PCDHGB2: variants seen among roughly 807,000 people sequenced by gnomAD.
PCDHGB2 encodes protocadherin gamma-B2.
PCDHGB2 carries 55 observed loss-of-function variants against 59.3 expected under a neutral mutation model. That is an observed-to-expected ratio of 0.93 (90% confidence interval 0.75 to 1.16). PCDHGB2 has a LOEUF of 1.16. PCDHGB2 is among the 50% of genes most tolerant of loss of function. The pLI is 0.00. For synonymous variants in PCDHGB2, 516 were observed against 512.0 expected (o/e 1.01, Z -0.11); for missense variants, 1,228 against 1,198.5 (o/e 1.02, Z -0.36).
intron 1 of PCDHGB2, chr5:141,418,650 T>A (rs764145825): frequency 5.0e-6 from 8 of 1,613,898 alleles, no homozygotes; most frequent in South Asian, 2.2e-5. Flanking sequence ...ATCCTGAGAG[T>A]GAAGGCCACT....
At chr5:141,456,352 C>T (rs1253586137) in intron 1 of PCDHGB2, among the ~76,000 whole-genome samples, 1 of 152,050 alleles carries the variant, frequency 6.6e-6, no homozygotes, top group Non-Finnish European at 1.5e-5. Flanking sequence ...GGAAGAATGG[C>T]GTCCATGTGT....
chr5:141,375,100 T>A lies in PCDHGB2; in HGVS notation c.2421+12544T>A, dbSNP rs921904476. 5 of 1,613,834 alleles carry A rather than the reference T, an allele frequency of 3.1e-6. No individual in the cohort carries two copies. The African/African-American group carries it at 6.7e-5, about 22-fold the overall frequency. On this transcript the variant is annotated intron_variant, in intron 1 of 3. Transcript: ENST00000522605. The stretch of plus-strand genomic sequence containing the variant: ...CGAAAGTCTTAATAACTATCTTGGA[T>A]GTCAATGATAATGTACCAGAAGTGG...
intron 1 of PCDHGB2, chr5:141,371,423 T>C: frequency 6.2e-7 from 1 of 1,613,962 alleles, no homozygotes; most frequent in Non-Finnish European, 8.5e-7. Flanking sequence ...AAAATGACAA[T>C]GCCCCGGAGA....
At chr5:141,414,020 C>A in intron 1 of PCDHGB2, 1 of 1,612,618 alleles carries the variant, frequency 6.2e-7, no homozygotes. Flanking sequence ...GGAGAAGTGA[C>A]ATATTCATTC....
chr5:141,426,307 A>G (rs958090236), intron 1 of PCDHGB2: 2 of 172,782 alleles, frequency 1.2e-5, no homozygotes, highest in African/African-American at 4.7e-5. Context: ...GGTGAAGCAG[A>G]GAAGCAGGAC....
intron 1 of PCDHGB2, chr5:141,374,770 G>A (rs750704696): frequency 6.8e-6 from 11 of 1,613,696 alleles, no homozygotes; most frequent in South Asian, 1.1e-5. Context: ...CCCAAATTCT[G>A]GTAACAGTTC....
rs1561863583 is a variant in PCDHGB2, at chr5:141,432,685, C to A, written c.2422-62122C>A. Reference sequence around the variant, plus strand: ...ACAGAGACGCGCTCAAGCAGAGCCTCGTAGTGGCCGTCCAGGACCACGGCC... The same window carrying A: ...ACAGAGACGCGCTCAAGCAGAGCCTAGTAGTGGCCGTCCAGGACCACGGCC... On this transcript the variant is annotated intron_variant, in intron 1 of 3. Transcript: ENST00000522605. The surrounding 1 kb of genome is among the most constrained non-coding windows in gnomAD (Gnocchi z 6.0). 3.7e-6 allele frequency: 6 copies of A among 1,613,932 alleles called. No individual in the cohort carries two copies. Among genetic ancestry groups the A allele is most frequent in the Non-Finnish European group, 5.1e-6 (6 of 1,179,966 alleles).
In PCDHGB2 at chr5:141,451,946, G is replaced by A. The variant is rs146934262; in HGVS notation, c.2422-42861G>A. On this transcript the variant is annotated intron_variant, in intron 1 of 3. Coordinates refer to ENST00000522605, the MANE Select transcript of PCDHGB2 (RefSeq NM_018923.3). ...GGAGGTAGGGAGGCAGGGAAAGACC[G>A]AGAAAGTGACATACCATCATTTTTG... Among the ~76,000 whole-genome samples, 240 of 152,218 alleles carry A rather than the reference G, an allele frequency of 1.6e-3. 1 individual carries two copies. Among genetic ancestry groups the A allele is most frequent in the Non-Finnish European group, 2.9e-3 (195 of 68,026 alleles).
chr5:141,430,796 C>A, intron 1 of PCDHGB2: 1 of 1,522,232 alleles, frequency 6.6e-7, no homozygotes, highest in Middle Eastern at 1.8e-4. Context: ...CTACAAAGGG[C>A]TTGTCCTGCT....
At chr5:141,463,460 T>TTC (rs573961569) in intron 1 of PCDHGB2, among the ~76,000 whole-genome samples, 28 of 136,126 alleles carry the variant, frequency 2.1e-4, no homozygotes, top group Admixed American at 4.4e-4. Context: ...TTTTTTTTTT[T>TTC]TTTTTTGAGA....
At chr5:141,390,565 G>A in intron 1 of PCDHGB2, 2 of 420,818 alleles carry the variant, frequency 4.8e-6, no homozygotes, top group Non-Finnish European at 8.5e-6. Context: ...ACAGTTGTTG[G>A]CTCTCTCCTA....
intron 1 of PCDHGB2, chr5:141,394,099 C>T: frequency 1.2e-6 from 2 of 1,613,930 alleles, no homozygotes; most frequent in South Asian, 1.1e-5. Context: ...GATCTAGGAA[C>T]ACCACCTCTG....
At position 141,476,719 on chromosome 5, in the gene PCDHGB2, C is replaced by T; in HGVS notation, c.2422-18088C>T. ...ACGCGGAGCTGGTGTTGGAGCGCGC[C>T]CTGGACCGAGAACGGGAGCCTAGTC... On this transcript the variant is annotated intron_variant, in intron 1 of 3. Coordinates refer to ENST00000522605, the MANE Select transcript of PCDHGB2 (RefSeq NM_018923.3). The surrounding 1 kb of genome is among the most constrained non-coding windows in gnomAD (Gnocchi z 7.6). The T allele has an allele frequency of 6.2e-7, 1 of 1,614,154 alleles. No homozygotes were observed.
At position 141,362,257 on chromosome 5, in the gene PCDHGB2, A is replaced by C. The variant is rs1199610495; in HGVS notation, c.2122A>C (p.Ile708Leu). ...CTCAGTGCTCTTCTTCCTCGCGGTG[A>C]TTCTGGCAATCTCCCTGCGCCTGCG... The part of the protein sequence containing the change: ...LISVLFFLAV[I>L]LAISLRLRLS... The change falls in exon 1 of 4, where the codon ATT (isoleucine) becomes CTT (leucine). Residue 708 changes from isoleucine to leucine, a missense_variant. Around this residue, in one of 3 missense-constraint regions of PCDHGB2, gnomAD observed 433 missense variants for 441.8 expected, o/e 0.98. Coordinates refer to ENST00000522605, the MANE Select transcript of PCDHGB2 (RefSeq NM_018923.3). 5 of 1,613,784 alleles carry C rather than the reference A, an allele frequency of 3.1e-6. No individual in the cohort carries two copies.
chr5:141,401,613 G>A (rs906957282), intron 1 of PCDHGB2, among the ~76,000 whole-genome samples: 1 of 152,162 alleles, frequency 6.6e-6, no homozygotes, highest in Admixed American at 6.5e-5. Flanking sequence ...AAAAGACACC[G>A]GATTTGTCTT....
intron 1 of PCDHGB2, chr5:141,389,060 A>G (rs1164665785): frequency 3.7e-6 from 6 of 1,614,010 alleles, no homozygotes; most frequent in Non-Finnish European, 4.2e-6. Context: ...CATTTAAAAT[A>G]TTAACTTCTT....
intron 1 of PCDHGB2, chr5:141,387,677 C>A (rs1256771366): frequency 1.8e-5 from 13 of 740,970 alleles, no homozygotes; most frequent in South Asian, 4.0e-5. Context: ...GATCTCCTCG[C>A]GCAGCCGCAG....
intron 1 of PCDHGB2, chr5:141,372,064 A>G (rs534724571): frequency 1.2e-6 from 2 of 1,613,610 alleles, no homozygotes; most frequent in Non-Finnish European, 1.7e-6. Context: ...GACCGCAACG[A>G]CAATGCACCG....
At position 141,476,294 on chromosome 5, in the gene PCDHGB2, A is replaced by T. The variant is rs376905832; in HGVS notation, c.2422-18513A>T. On this transcript the variant is annotated intron_variant, in intron 1 of 3. Coordinates refer to ENST00000522605, the MANE Select transcript of PCDHGB2 (RefSeq NM_018923.3). The surrounding 1 kb of genome is among the most constrained non-coding windows in gnomAD (Gnocchi z 7.6). ...CGCGAACCTTGGTTTGGATCTCGGT[A>T]GCCTCTCAGCCCGCAGGTTCCGGGT... is the stretch of plus-strand genomic sequence containing the variant. 2 of 1,613,036 alleles carry T rather than the reference A, an allele frequency of 1.2e-6. No homozygotes were observed. The highest frequency in any genetic ancestry group is 1.7e-6 in the Non-Finnish European group (2 of 1,179,642).
Sources: allele counts gnomAD v4.1 joint callset (sites outside exome capture counted in the v4.1 genomes callset), GRCh38; gene constraint gnomAD v4.1.1; regional missense constraint gnomAD v4.1.1; non-coding constraint Gnocchi (gnomAD v3.1); transcripts MANE v1.5; gene names NCBI Gene and HGNC (gene_info 2026-07-23, HGNC 2026-07-21).